The following ADAMTSL1 variants were observed in gnomAD, a reference collection of about 807,000 sequenced individuals.
ADAMTSL1 encodes ADAMTS-like protein 1.
In ADAMTSL1, 126 loss-of-function variants were observed where a neutral mutation model predicts 201.8. The ratio of observed to expected loss-of-function variants is 0.62; its 90% confidence interval spans 0.54 to 0.72. The LOEUF is 0.72. Among genes scored for constraint, ADAMTSL1 ranks in the 30% least tolerant of loss-of-function variants. The pLI is 0.00. For synonymous variants in ADAMTSL1, 1,121 were observed against 903.4 expected (o/e 1.24, Z -4.32); for missense variants, 2,679 against 2,277.8 (o/e 1.18, Z -3.59).
intron 2 of ADAMTSL1, among the ~76,000 whole-genome samples, chr9:18,180,817 C>G (rs957073158): frequency 6.6e-6 from 1 of 152,066 alleles, no homozygotes; most frequent in Admixed American, 6.5e-5. Flanking sequence ...AACAAGAGCC[C>G]GCATCGCCAA....
intron 1 of ADAMTSL1, among the ~76,000 whole-genome samples, chr9:18,029,253 C>G (rs1328846205): frequency 1.3e-5 from 2 of 152,050 alleles, no homozygotes; most frequent in Non-Finnish European, 2.9e-5. Flanking sequence ...CCCTTTGTTT[C>G]CTTCTCCTGC....
chr9:18,600,380 T>TA (rs1376085173), intron 4 of ADAMTSL1, among the ~76,000 whole-genome samples: 1 of 152,234 alleles, frequency 6.6e-6, no homozygotes, highest in African/African-American at 2.4e-5. Context: ...CAAGGTCATG[T>TA]AACTTGTGAG....
chr9:18,436,188 A>G (rs1295667839), intron 2 of ADAMTSL1, among the ~76,000 whole-genome samples: 1 of 152,148 alleles, frequency 6.6e-6, no homozygotes, highest in African/African-American at 2.4e-5. Context: ...TAAGGGCAGA[A>G]GTAGAGGCTG....
chr9:18,292,357 G>A (rs1587486148), intron 2 of ADAMTSL1, among the ~76,000 whole-genome samples: 1 of 152,162 alleles, frequency 6.6e-6, no homozygotes, highest in Admixed American at 6.5e-5. Flanking sequence ...TGATGAAATG[G>A]TAAGTAAAGC....
chr9:18,375,662 G>A (rs1299562420), intron 2 of ADAMTSL1, among the ~76,000 whole-genome samples: 1 of 152,204 alleles, frequency 6.6e-6, no homozygotes, highest in Non-Finnish European at 1.5e-5. Flanking sequence ...AGCTCATAAA[G>A]GTGGTGTGGA....
At chr9:18,588,807 T>C (rs2132460608) in intron 4 of ADAMTSL1, among the ~76,000 whole-genome samples, 1 of 150,144 alleles carries the variant, frequency 6.7e-6, no homozygotes, top group South Asian at 2.1e-4. Context: ...TTCTGTTCCA[T>C]TGGTGTATCT....
At chr9:18,106,250 A>C (rs1436154494) in intron 1 of ADAMTSL1, among the ~76,000 whole-genome samples, 1 of 152,232 alleles carries the variant, frequency 6.6e-6, no homozygotes, top group Non-Finnish European at 1.5e-5. Flanking sequence ...GGAGAGTGTG[A>C]GCCTCATATG....
upstream of ADAMTSL1, chr9:18,474,072 CCAT>C: frequency 1.6e-5 from 9 of 554,440 alleles, no homozygotes; most frequent in African/African-American, 3.8e-5. Flanking sequence ...TACCCCCCAC[CCAT>C]CCACCCACCC....
intron 2 of ADAMTSL1, among the ~76,000 whole-genome samples, chr9:18,384,428 A>G (rs1208092634): frequency 6.6e-6 from 1 of 152,194 alleles, no homozygotes; most frequent in East Asian, 1.9e-4. Flanking sequence ...CGGTAGGGAC[A>G]CAGAGCCAAA....
At chr9:18,183,736 A>C (rs1301016328) in intron 2 of ADAMTSL1, among the ~76,000 whole-genome samples, 1 of 152,208 alleles carries the variant, frequency 6.6e-6, no homozygotes, top group South Asian at 2.1e-4. Context: ...ACTTATGTGC[A>C]ACATTCAGTA....
intron 1 of ADAMTSL1, among the ~76,000 whole-genome samples, chr9:18,029,068 T>C (rs1039628737): frequency 3.9e-5 from 6 of 152,180 alleles, no homozygotes; most frequent in African/African-American, 7.2e-5. Context: ...TGTTTGTCTG[T>C]TATTGGTGTA....
At chr9:18,690,186 T>C (rs778898454) in intron 13 of ADAMTSL1, among the ~76,000 whole-genome samples, 3 of 152,040 alleles carry the variant, frequency 2.0e-5, no homozygotes, top group African/African-American at 4.8e-5. Context: ...ACCATGGTGA[T>C]TCTGTAGTCA....
chr9:18,667,915 A>G (rs1337108714), intron 9 of ADAMTSL1, among the ~76,000 whole-genome samples: 4 of 152,154 alleles, frequency 2.6e-5, no homozygotes, highest in African/African-American at 7.2e-5. Context: ...AATGATCACA[A>G]GAAATTAAGA....
chr9:18,806,878 C>CA (rs1823159266), intron 20 of ADAMTSL1, among the ~76,000 whole-genome samples: 1 of 152,216 alleles, frequency 6.6e-6, no homozygotes, highest in African/African-American at 2.4e-5. Flanking sequence ...TAATGGCCTT[C>CA]ACATCCTTGG....
intron 1 of ADAMTSL1, among the ~76,000 whole-genome samples, chr9:18,112,908 A>C (rs1176442349): frequency 3.3e-5 from 5 of 152,172 alleles, no homozygotes; most frequent in Non-Finnish European, 5.9e-5. Context: ...TGAGGATTAG[A>C]AAGAAGGCTA....
intron 1 of ADAMTSL1, among the ~76,000 whole-genome samples, chr9:17,952,119 C>CTTT: frequency 7.2e-6 from 1 of 139,692 alleles, no homozygotes; most frequent in Non-Finnish European, 1.6e-5. Flanking sequence ...TTCTTTCTTT[C>CTTT]TTTTTTTTTT....
intron 6 of ADAMTSL1, 109 bp downstream of exon 6, chr9:18,636,126 A>G (rs1827097084): frequency 3.3e-6 from 3 of 916,052 alleles, no homozygotes; most frequent in Non-Finnish European, 3.2e-6. Flanking sequence ...TTTCTACTCT[A>G]TCATAATATG....
chr9:18,811,230 G>GC (rs1823491552), intron 20 of ADAMTSL1, among the ~76,000 whole-genome samples: 1 of 152,082 alleles, frequency 6.6e-6, no homozygotes, highest in African/African-American at 2.4e-5. Flanking sequence ...CAAATGAGGT[G>GC]CCCCCCAACC....
At chr9:18,847,341 CACTT>C (rs1471205659) in intron 23 of ADAMTSL1, among the ~76,000 whole-genome samples, 1 of 152,188 alleles carries the variant, frequency 6.6e-6, no homozygotes, top group East Asian at 1.9e-4. Context: ...ACAACAGACA[CACTT>C]ACTGAGTTCC....
Sources: allele counts gnomAD v4.1 joint callset (sites outside exome capture counted in the v4.1 genomes callset), GRCh38; gene constraint gnomAD v4.1.1; transcripts MANE v1.5; gene names NCBI Gene and HGNC (gene_info 2026-07-23, HGNC 2026-07-21).